The following IFI44L variants were observed in gnomAD, a reference collection of about 807,000 sequenced individuals.
IFI44L encodes the protein interferon induced protein 44 like.
A neutral mutation model predicts 39.3 loss-of-function variants in IFI44L; 40 were observed. That is an observed-to-expected ratio of 1.02 (90% CI 0.79 to 1.33). The LOEUF is 1.33. IFI44L is among the 40% of genes most tolerant of loss of function. IFI44L has a pLI of 0.00. For synonymous variants in IFI44L, 198 were observed against 182.3 expected (o/e 1.09, Z -0.69); for missense variants, 623 against 549.0 (o/e 1.13, Z -1.35).
Position 78,641,049 on chromosome 1 carries a change from A to C in IFI44L, c.1077A>C (p.Lys359Asn), listed in dbSNP as rs758773821. Residue 359 changes from lysine to asparagine, a missense_variant, in exon 7 of 9, where the codon AAA becomes AAC. By Grantham distance (94) the Lys-to-Asn change is moderately conservative. Coordinates refer to ENST00000370751, the MANE Select transcript of IFI44L (RefSeq NM_006820.4). ...TAGCATATGTGGCCTTGCTTACTAA[A>C]GTGGATGATTGCAGTGAGGTTCTTC... Reference protein sequence around the residue: ...CGIAYVALLTKVDDCSEVLQD... With the variant: ...CGIAYVALLTNVDDCSEVLQD... 4 of 1,612,586 alleles carry C rather than the reference A, an allele frequency of 2.5e-6. No homozygotes were observed. The highest frequency in any genetic ancestry group is 3.4e-6 in the Non-Finnish European group (4 of 1,178,852).
chr1:78,632,111 C>A (rs1457535580), intron 4 of IFI44L, among the ~76,000 whole-genome samples: 1 of 152,144 alleles, frequency 6.6e-6, no homozygotes, highest in Non-Finnish European at 1.5e-5. Context: ...ACTGGAGCAG[C>A]TGAGTTGTTA....
At chr1:78,639,229 G>A (rs751921683) in intron 6 of IFI44L, among the ~76,000 whole-genome samples, 1 of 152,094 alleles carries the variant, frequency 6.6e-6, no homozygotes, top group Non-Finnish European at 1.5e-5. Context: ...ACACCATCAA[G>A]AGGGACCTTG....
At chr1:78,636,812 T>C (rs1249322668) in intron 5 of IFI44L, 2 of 440,678 alleles carry the variant, frequency 4.5e-6, no homozygotes, top group Non-Finnish European at 8.0e-6. Context: ...TTATCATTTT[T>C]ACCAAAGCAA....
At chr1:78,630,650 T>A (rs2100489626) in intron 4 of IFI44L, among the ~76,000 whole-genome samples, 1 of 152,322 alleles carries the variant, frequency 6.6e-6, no homozygotes, top group South Asian at 2.1e-4. Context: ...TGTTAGGGAA[T>A]ATGCTGTGTA....
chr1:78,624,242 G>A (rs550890313), intron 1 of IFI44L, among the ~76,000 whole-genome samples: 8 of 152,146 alleles, frequency 5.3e-5, no homozygotes, highest in Non-Finnish European at 7.4e-5. Flanking sequence ...GTGTTCCGCC[G>A]AACTCGGCCT....
At chr1:78,637,632 T>C (rs1652999919) in intron 6 of IFI44L, among the ~76,000 whole-genome samples, 1 of 152,124 alleles carries the variant, frequency 6.6e-6, no homozygotes, top group South Asian at 2.1e-4. Context: ...TCCTCCACCA[T>C]CCTTAACTCT....
intron 4 of IFI44L, among the ~76,000 whole-genome samples, chr1:78,633,151 C>T (rs904904221): frequency 1.8e-4 from 27 of 152,152 alleles, no homozygotes; most frequent in Admixed American, 1.2e-3. Flanking sequence ...TTATCTGCAT[C>T]ACCCCCCTCA....
chr1:78,637,875 A>G (rs1158942144), intron 6 of IFI44L, among the ~76,000 whole-genome samples: 8 of 152,114 alleles, frequency 5.3e-5, no homozygotes, highest in Non-Finnish European at 1.5e-5. Flanking sequence ...AAAATATTCC[A>G]GTTTTTAGCT....
At chr1:78,630,397 T>C (rs1249154949) in intron 4 of IFI44L, among the ~76,000 whole-genome samples, 5 of 152,066 alleles carry the variant, frequency 3.3e-5, no homozygotes, top group African/African-American at 1.2e-4. Flanking sequence ...AGTGTAAATC[T>C]TACAAAAACT....
chr1:78,642,925 T>C lies in IFI44L; in HGVS notation c.*1116T>C, dbSNP rs1647004872. 1 of 152,038 alleles carries C rather than the reference T, an allele frequency of 6.6e-6. No individual in the cohort carries two copies. Among genetic ancestry groups the C allele is most frequent in the African/African-American group, 2.4e-5 (1 of 41,450 alleles). 9.4% of individuals were successfully genotyped at this position (152,038 alleles called of 1,614,324 possible). A position where few individuals can be genotyped will look rare whatever the true frequency, so the allele number is the denominator to read the frequency against. On this transcript the variant is annotated 3_prime_UTR_variant, in exon 9 of 9. Coordinates refer to ENST00000370751, the MANE Select transcript of IFI44L (RefSeq NM_006820.4). Reference sequence around the variant, plus strand: ...TGCTCCAAATAATTCTGAAGTCCTCTTACTAGCTGTGAAAGCTAGTACTAT... The same window carrying C: ...TGCTCCAAATAATTCTGAAGTCCTCCTACTAGCTGTGAAAGCTAGTACTAT...
At position 78,637,046 on chromosome 1, in the gene IFI44L, A is replaced by G. The variant is rs1454553466; in HGVS notation, c.891A>G (p.Lys297=). Reference sequence around the variant, plus strand: ...TTTTATAACAGTTTAATTCCCGTAAACCAATTACACCTGAGCATTCTACTT... The same window carrying G: ...TTTTATAACAGTTTAATTCCCGTAAGCCAATTACACCTGAGCATTCTACTT... ...MPDRYQFNSR[K]PITPEHSTFI... is the part of the protein sequence containing the mutation. The change falls in exon 6 of 9, where the codon AAA becomes AAG. Residue 297 remains lysine (K), a synonymous_variant. Transcript: ENST00000370751. 1.2e-6 allele frequency: 2 copies of G among 1,610,776 alleles called. No homozygotes were observed. Among genetic ancestry groups the G allele is most frequent in the Non-Finnish European group, 1.7e-6 (2 of 1,177,592 alleles).
At chr1:78,624,032 G>T (rs1328821301) in intron 1 of IFI44L, among the ~76,000 whole-genome samples, 1 of 151,474 alleles carries the variant, frequency 6.6e-6, no homozygotes, top group Non-Finnish European at 1.5e-5. Context: ...TTTTGAGATG[G>T]AGTGTCTCTC....
chr1:78,645,289 T>G lies in IFI44L; in HGVS notation c.*3480T>G, dbSNP rs145076949. On this transcript the variant is annotated 3_prime_UTR_variant, in exon 9 of 9. Coordinates refer to ENST00000370751, the MANE Select transcript of IFI44L (RefSeq NM_006820.4). Reference sequence around the variant, plus strand: ...AGAATGTGTATTGTTCAGGACAACTTGTCTCCATACAGTTGGGTTGTAACC... The same window carrying G: ...AGAATGTGTATTGTTCAGGACAACTGGTCTCCATACAGTTGGGTTGTAACC... The G allele has an allele frequency of 6.6e-5, 10 of 152,318 alleles. No homozygotes were observed. The highest frequency in any genetic ancestry group is 1.9e-4 in the African/African-American group (8 of 41,552). 9.4% of individuals were successfully genotyped at this position (152,318 alleles called of 1,614,324 possible). A position where few individuals can be genotyped will look rare whatever the true frequency, so the allele number is the denominator to read the frequency against.
In IFI44L at chr1:78,629,879, C is replaced by T. The variant is rs566703426; in HGVS notation, c.687C>T (p.Ala229=). 1.1e-5 allele frequency: 18 copies of T among 1,613,658 alleles called. No homozygotes were observed. Among genetic ancestry groups the T allele is most frequent in the East Asian group, 8.9e-5 (4 of 44,836 alleles). Residue 229 remains alanine (A), a synonymous_variant, in exon 4 of 9, where the codon GCC becomes GCT. Coordinates refer to ENST00000370751, the MANE Select transcript of IFI44L (RefSeq NM_006820.4). Reference sequence around the variant, plus strand: ...TTCATGGCCATGTGACTGGCCAAGCCGTAGTGGGGTCTGATATCACCAGCA... The same window carrying T: ...TTCATGGCCATGTGACTGGCCAAGCTGTAGTGGGGTCTGATATCACCAGCA... The part of the protein sequence containing the change: ...SIFHGHVTGQ[A]VVGSDITSIT...
chr1:78,635,030 A>G lies in IFI44L; in HGVS notation c.724-307A>G, dbSNP rs201625411. The stretch of plus-strand genomic sequence containing the variant: ...TGTGTGTGTGTGTGTGTATGTGTAT[A>G]TATATATATATATACACACACGTTT... On this transcript the variant is annotated intron_variant, in intron 4 of 8. Transcript: ENST00000370751. Among the ~76,000 whole-genome samples, 157 of 53,274 alleles carry G rather than the reference A, an allele frequency of 2.9e-3. 2 individuals carry two copies. In the East Asian group the frequency reaches 0.1, roughly 35 times the overall value. The allele number at this position is 53,274 out of a possible 152,430, so 34.9% of individuals were successfully genotyped here. A position where few individuals can be genotyped will look rare whatever the true frequency, so the allele number is the denominator to read the frequency against.
intron 7 of IFI44L, 36 bp downstream of exon 7, chr1:78,641,157 A>G: frequency 7.4e-7 from 1 of 1,357,828 alleles, no homozygotes; most frequent in South Asian, 1.2e-5. Context: ...TATTATTGTA[A>G]TAGTATCACA....
At chr1:78,632,920 T>A (rs1348430698) in intron 4 of IFI44L, among the ~76,000 whole-genome samples, 1 of 152,170 alleles carries the variant, frequency 6.6e-6, no homozygotes, top group Non-Finnish European at 1.5e-5. Context: ...GGTTTATAAT[T>A]GAATTTTTAA....
At chr1:78,631,904 T>A (rs1292277213) in intron 4 of IFI44L, among the ~76,000 whole-genome samples, 1 of 152,160 alleles carries the variant, frequency 6.6e-6, no homozygotes, top group Non-Finnish European at 1.5e-5. Flanking sequence ...TAGTAGTCAC[T>A]GTATTTCTCC....
chr1:78,631,013 A>G (rs1426631680), intron 4 of IFI44L, among the ~76,000 whole-genome samples: 3 of 152,272 alleles, frequency 2.0e-5, no homozygotes, highest in East Asian at 3.9e-4. Flanking sequence ...TGTATCATTC[A>G]TTGTGATATA....
Sources: gnomAD v4.1 joint callset for allele counts (sites outside exome capture counted in the v4.1 genomes callset) on GRCh38, gnomAD v4.1.1 for gene constraint, MANE v1.5 for transcripts, NCBI Gene and HGNC (gene_info 2026-07-23, HGNC 2026-07-21) for gene names.